Variants in DPP10 observed in about 807,000 individuals in gnomAD.
The protein encoded by DPP10 is inactive dipeptidyl peptidase 10.
Under a neutral mutation model 120.9 loss-of-function variants are expected in DPP10, and 33 were observed. That is an observed-to-expected ratio of 0.27 (90% confidence interval 0.21 to 0.37). The LOEUF (loss-of-function observed/expected upper bound fraction) is 0.37. Ranked by LOEUF, DPP10 falls within the 10% of genes least tolerant of loss-of-function variation. DPP10 has a pLI of 1.00. For synonymous variants in DPP10, 337 were observed against 326.1 expected, an observed-to-expected ratio of 1.03 and a Z score of -0.36; for missense variants, 816 against 942.8, an observed-to-expected ratio of 0.87 and a Z score of 1.76.
chr2:115,814,966 A>C lies in DPP10; in HGVS notation c.1874A>C (p.Lys625Thr), dbSNP rs142359009. The change falls in exon 20 of 26, where the codon AAG becomes ACG. Residue 625 changes from lysine (K) to threonine (T), a missense_variant. Coordinates refer to ENST00000410059, the MANE Select transcript of DPP10 (RefSeq NM_020868.6). ...IHRRLGSVEV[K>T]DQITAVKFLL... ...CGAAGATTAGGTTCAGTAGAAGTAA[A>C]GGACCAAATAACAGCTGTGAAGTAA... The C allele has an allele frequency of 6.2e-7, 1 of 1,607,648 alleles. No homozygotes were observed. Among genetic ancestry groups the C allele is most frequent in the Non-Finnish European group, 8.5e-7 (1 of 1,174,960 alleles).
chr2:115,617,637 C>T (rs1206799379), intron 5 of DPP10, among the ~76,000 whole-genome samples: 1 of 151,872 alleles, frequency 6.6e-6, no homozygotes, highest in African/African-American at 2.4e-5. Context: ...AACATACTGT[C>T]CTAGGAGCCT....
intron 1 of DPP10, among the ~76,000 whole-genome samples, chr2:115,034,407 C>T (rs2105262516): frequency 6.6e-6 from 1 of 152,178 alleles, no homozygotes; most frequent in South Asian, 2.1e-4. Flanking sequence ...TATCTCTAGC[C>T]CTGACTCTCA....
intron 5 of DPP10, among the ~76,000 whole-genome samples, chr2:115,679,720 A>T (rs1013246161): frequency 2.0e-5 from 3 of 152,240 alleles, no homozygotes; most frequent in Non-Finnish European, 4.4e-5. Context: ...GGAAGACATT[A>T]TATTAAGTGA....
chr2:115,774,965 G>A (rs979278344), intron 13 of DPP10, among the ~76,000 whole-genome samples: 1 of 152,048 alleles, frequency 6.6e-6, no homozygotes, highest in Non-Finnish European at 1.5e-5. Flanking sequence ...TGAAGACAAT[G>A]AAATTGAATT....
intron 3 of DPP10, among the ~76,000 whole-genome samples, chr2:115,360,018 A>G (rs1026664274): frequency 4.6e-5 from 7 of 151,964 alleles, no homozygotes; most frequent in Non-Finnish European, 8.8e-5. Flanking sequence ...GGATTATTTT[A>G]CTGCTGTCTC....
intron 12 of DPP10, among the ~76,000 whole-genome samples, chr2:115,766,001 AAT>A (rs1680659107): frequency 6.6e-6 from 1 of 152,036 alleles, no homozygotes; most frequent in African/African-American, 2.4e-5. Context: ...AGTATATTAA[AAT>A]AGTTATTAAT....
At chr2:114,816,409 G>T (rs1460513472) in intron 1 of DPP10, among the ~76,000 whole-genome samples, 1 of 152,100 alleles carries the variant, frequency 6.6e-6, no homozygotes, top group Admixed American at 6.5e-5. Flanking sequence ...ACACAAATAG[G>T]TGATGGGCTA....
intron 5 of DPP10, among the ~76,000 whole-genome samples, chr2:115,565,584 G>C (rs1484578342): frequency 6.6e-6 from 1 of 151,998 alleles, no homozygotes; most frequent in Non-Finnish European, 1.5e-5. Flanking sequence ...GATTCACACA[G>C]TACTTTTATA....
chr2:115,000,191 T>A (rs192605121), intron 1 of DPP10, among the ~76,000 whole-genome samples: 34 of 152,216 alleles, frequency 2.2e-4, no homozygotes, highest in Admixed American at 1.8e-3. Context: ...CTCATTTTAA[T>A]TAGATTTTTA....
chr2:114,587,078 A>T (rs548659871), intron 1 of DPP10, among the ~76,000 whole-genome samples: 5 of 152,064 alleles, frequency 3.3e-5, no homozygotes, highest in African/African-American at 9.6e-5. Flanking sequence ...CGGGCAGATC[A>T]CGAGGTCAGG....
chr2:115,661,411 G>A (rs1301383894), intron 5 of DPP10, among the ~76,000 whole-genome samples: 2 of 152,178 alleles, frequency 1.3e-5, no homozygotes, highest in Non-Finnish European at 2.9e-5. Context: ...ACTTGATTTG[G>A]AATTGATCAG....
chr2:115,476,582 A>G (rs929331330), intron 3 of DPP10, among the ~76,000 whole-genome samples: 5 of 152,190 alleles, frequency 3.3e-5, no homozygotes. Context: ...ATAGCCAGAT[A>G]TTGTAAGATC....
intron 4 of DPP10, among the ~76,000 whole-genome samples, chr2:115,515,490 T>A (rs1043340574): frequency 6.6e-6 from 1 of 152,042 alleles, no homozygotes; most frequent in African/African-American, 2.4e-5. Flanking sequence ...GCATTGGCCA[T>A]TGTTGTTTTC....
At chr2:114,723,483 C>A (rs1041054667) in intron 1 of DPP10, among the ~76,000 whole-genome samples, 5 of 152,202 alleles carry the variant, frequency 3.3e-5, no homozygotes, top group African/African-American at 1.2e-4. Flanking sequence ...TTCTTGGAAT[C>A]TTTGGCTCAC....
At chr2:115,789,006 T>C (rs1460581264) in intron 17 of DPP10, among the ~76,000 whole-genome samples, 1 of 151,794 alleles carries the variant, frequency 6.6e-6, no homozygotes, top group Non-Finnish European at 1.5e-5. Context: ...TAGTCCCAGC[T>C]ATTCAGGAGG....
intron 1 of DPP10, among the ~76,000 whole-genome samples, chr2:114,682,263 T>A (rs1699074859): frequency 6.6e-6 from 1 of 151,946 alleles, no homozygotes. Context: ...GAGATCATTA[T>A]GAATTTGAAA....
intron 13 of DPP10, among the ~76,000 whole-genome samples, chr2:115,774,489 A>G (rs1302676640): frequency 6.6e-6 from 1 of 152,110 alleles, no homozygotes; most frequent in Non-Finnish European, 1.5e-5. Context: ...GCCTGTGTGA[A>G]CTTGGCAATA....
At chr2:115,033,438 TTA>T (rs1410466687) in intron 1 of DPP10, among the ~76,000 whole-genome samples, 1 of 152,152 alleles carries the variant, frequency 6.6e-6, no homozygotes, top group Non-Finnish European at 1.5e-5. Flanking sequence ...ATTAAAGCTT[TTA>T]TGTTTTTCAA....
chr2:114,717,306 A>G (rs147761243), intron 1 of DPP10, among the ~76,000 whole-genome samples: 263 of 152,316 alleles, frequency 1.7e-3, no homozygotes, highest in African/African-American at 6.2e-3. Flanking sequence ...TTTGTGATTG[A>G]TCTATGTGTC....
Sources: allele counts gnomAD v4.1 joint callset (sites outside exome capture counted in the v4.1 genomes callset), GRCh38; gene constraint gnomAD v4.1.1; transcripts MANE v1.5; gene names NCBI Gene and HGNC (gene_info 2026-07-23, HGNC 2026-07-21).